ITSN1: variants seen among roughly 807,000 people sequenced by gnomAD.
ITSN1 encodes intersectin 1.
ITSN1 carries 58 observed loss-of-function variants against 239.8 expected under a neutral mutation model. The ratio of observed to expected loss-of-function variants is 0.24; its 90% confidence interval spans 0.20 to 0.30. The LOEUF (loss-of-function observed/expected upper bound fraction) is 0.30. ITSN1 is among the 10% of genes least tolerant of loss of function. ITSN1 has a pLI of 1.00. For missense variants in ITSN1, 1,558 were observed against 2,103.3 expected, an observed-to-expected ratio of 0.74 and a Z score of 5.07; for synonymous variants, 780 against 770.8, an observed-to-expected ratio of 1.01 and a Z score of -0.20.
At chr21:33,665,557 C>T (rs932582173) in intron 1 of ITSN1, among the ~76,000 whole-genome samples, 4 of 152,146 alleles carry the variant, frequency 2.6e-5, no homozygotes, top group African/African-American at 9.7e-5. Flanking sequence ...CATGGTGCCA[C>T]AGCTGTGTAA....
At chr21:33,755,448 C>A in intron 8 of ITSN1, 51 bp downstream of exon 8, 1 of 1,010,464 alleles carries the variant, frequency 9.9e-7, no homozygotes, top group Non-Finnish European at 1.5e-6. Context: ...TCAATGTAAA[C>A]TGTTTCTAGA....
At chr21:33,794,611 C>T in intron 17 of ITSN1, 143 bp downstream of exon 17, 1 of 1,148,004 alleles carries the variant, frequency 8.7e-7, no homozygotes, top group Non-Finnish European at 1.2e-6. Context: ...CAAACACAAA[C>T]ACGTGTATAT....
chr21:33,867,128 A>G, intron 32 of ITSN1, 105 bp from the exon 33 acceptor site: 2 of 704,848 alleles, frequency 2.8e-6, no homozygotes, highest in South Asian at 1.6e-5. Context: ...TGTCATCCAG[A>G]TAAATGAGAT....
chr21:33,853,433 G>A (rs975797076), intron 29 of ITSN1, among the ~76,000 whole-genome samples: 1 of 152,174 alleles, frequency 6.6e-6, no homozygotes, highest in Non-Finnish European at 1.5e-5. Flanking sequence ...TGGGATTCTT[G>A]GACAAATGGC....
At chr21:33,791,886 C>T (rs1404169599) in intron 16 of ITSN1, among the ~76,000 whole-genome samples, 1 of 152,092 alleles carries the variant, frequency 6.6e-6, no homozygotes, top group Non-Finnish European at 1.5e-5. Flanking sequence ...AATCAGATTC[C>T]TGAACATCAA....
intron 8 of ITSN1, among the ~76,000 whole-genome samples, 156 bp downstream of exon 8, chr21:33,755,553 C>T (rs1569106749): frequency 6.6e-6 from 1 of 152,196 alleles, no homozygotes; most frequent in African/African-American, 2.4e-5. Context: ...ACTGATAACT[C>T]TTTACATAGT....
chr21:33,767,404 C>G (rs1168448879), intron 10 of ITSN1, among the ~76,000 whole-genome samples: 1 of 152,036 alleles, frequency 6.6e-6, no homozygotes, highest in Non-Finnish European at 1.5e-5. Flanking sequence ...ATAGCAGCTC[C>G]CACTTAGTGC....
chr21:33,690,128 A>G (rs1488722943), intron 1 of ITSN1, among the ~76,000 whole-genome samples: 1 of 145,540 alleles, frequency 6.9e-6, no homozygotes, highest in Non-Finnish European at 1.5e-5. Flanking sequence ...TACCAAAAAT[A>G]CTAGCCTGGC....
chr21:33,753,788 A>AT (rs2067728056), intron 7 of ITSN1, among the ~76,000 whole-genome samples: 1 of 150,668 alleles, frequency 6.6e-6, no homozygotes, highest in Admixed American at 6.6e-5. Context: ...AAAAAAAAAA[A>AT]ATTCTCCTAT....
intron 33 of ITSN1, among the ~76,000 whole-genome samples, chr21:33,872,178 G>T (rs900287025): frequency 6.6e-5 from 10 of 152,260 alleles, no homozygotes; most frequent in Non-Finnish European, 5.9e-5. Context: ...CTGGGTGGAA[G>T]TTAAATTGAT....
At chr21:33,844,384 G>T (rs2074922727) in intron 29 of ITSN1, among the ~76,000 whole-genome samples, 1 of 152,332 alleles carries the variant, frequency 6.6e-6, no homozygotes, top group Admixed American at 6.5e-5. Context: ...GGCCCATGCA[G>T]CGCTCCACAA....
chr21:33,724,772 G>A (rs1483996014), intron 4 of ITSN1, among the ~76,000 whole-genome samples: 1 of 152,146 alleles, frequency 6.6e-6, no homozygotes, highest in Non-Finnish European at 1.5e-5. Context: ...TCACATGGTG[G>A]TAAGTGTGGT....
chr21:33,875,774 C>T (rs957207659), intron 34 of ITSN1, among the ~76,000 whole-genome samples: 5 of 152,224 alleles, frequency 3.3e-5, no homozygotes, highest in Admixed American at 6.5e-5. Context: ...TCCGCCTCCC[C>T]GGTTCCAGTG....
At chr21:33,666,970 C>T (rs2089970574) in intron 1 of ITSN1, among the ~76,000 whole-genome samples, 1 of 152,030 alleles carries the variant, frequency 6.6e-6, no homozygotes, top group African/African-American at 2.4e-5. Context: ...TTACATGCCA[C>T]CATGCCCGCT....
At chr21:33,676,253 G>A (rs1171917790) in intron 1 of ITSN1, among the ~76,000 whole-genome samples, 1 of 152,064 alleles carries the variant, frequency 6.6e-6, no homozygotes, top group African/African-American at 2.4e-5. Context: ...AGAGTGCTAG[G>A]ATTACACGCA....
At chr21:33,884,245 G>T (rs1195361544) in intron 36 of ITSN1, among the ~76,000 whole-genome samples, 1 of 152,020 alleles carries the variant, frequency 6.6e-6, no homozygotes, top group Non-Finnish European at 1.5e-5. Context: ...ATTAAGAAAT[G>T]TTTCGCATTC....
chr21:33,656,587 G>A (rs1157102002), intron 1 of ITSN1, among the ~76,000 whole-genome samples: 1 of 152,198 alleles, frequency 6.6e-6, no homozygotes, highest in African/African-American at 2.4e-5. Flanking sequence ...AGGCTGGAGA[G>A]TGCAGTGGTG....
chr21:33,851,948 T>A (rs73201769), intron 29 of ITSN1, among the ~76,000 whole-genome samples: 2,806 of 151,850 alleles, frequency 0.018, 35 homozygotes, highest in Non-Finnish European at 0.03. Flanking sequence ...CATGCATGGA[T>A]AATTTTTTAA....
rs571742333 is a variant in ITSN1 at position 33,675,926 on chromosome 21, T to C, written c.-33+33213T>C. 8.5e-5 allele frequency among the ~76,000 whole-genome samples: 13 copies of C among 152,338 alleles called. No homozygotes were observed. In the South Asian group the frequency reaches 1.2e-3, roughly 15 times the overall value. Reference sequence around the variant, plus strand: ...TACATCATATGCTTCAGATATTTGTTTCCAAAATTTCATTTGCTTTTAAAA... The same window carrying C: ...TACATCATATGCTTCAGATATTTGTCTCCAAAATTTCATTTGCTTTTAAAA... On this transcript the variant is annotated intron_variant, in intron 1 of 39. Coordinates refer to ENST00000381318, the MANE Select transcript of ITSN1 (RefSeq NM_003024.3).
Sources: gnomAD v4.1 joint callset for allele counts (sites outside exome capture counted in the v4.1 genomes callset) on GRCh38, gnomAD v4.1.1 for gene constraint, MANE v1.5 for transcripts, NCBI Gene and HGNC (gene_info 2026-07-23, HGNC 2026-07-21) for gene names.